KAT7: variants seen among roughly 807,000 people sequenced by gnomAD.
KAT7 encodes the protein lysine acetyltransferase 7, also known as histone acetyltransferase KAT7.
A neutral mutation model predicts 82.1 loss-of-function variants in KAT7; 10 were observed. That is an observed-to-expected ratio of 0.12 (90% CI 0.08 to 0.21). KAT7 has a LOEUF of 0.21. Among genes scored for constraint, KAT7 ranks in the 10% least tolerant of loss-of-function variants. KAT7 has a pLI of 1.00. For missense variants in KAT7, 378 were observed against 760.9 expected (o/e 0.50, Z 5.92); for synonymous variants, 250 against 262.5 (o/e 0.95, Z 0.46).
At chr17:49,818,077 G>A in intron 9 of KAT7, 66 bp downstream of exon 9, 5 of 1,383,862 alleles carry the variant, frequency 3.6e-6, no homozygotes, top group Non-Finnish European at 5.1e-6. Context: ...TCTAGATTTT[G>A]CCATAGCGAT....
Position 49,795,234 on chromosome 17 carries a change from A to G in KAT7, c.164-1516A>G, listed in dbSNP as rs113221815. Reference sequence around the variant, plus strand: ...TCATCATTACACAATGTATACGTCTATCAGAACATCACAGTATACTCTATA... The same window carrying G: ...TCATCATTACACAATGTATACGTCTGTCAGAACATCACAGTATACTCTATA... On this transcript the variant is annotated intron_variant, in intron 2 of 14. Coordinates refer to ENST00000259021, the MANE Select transcript of KAT7 (RefSeq NM_007067.5). The G allele has an allele frequency of 2.1e-3, 323 of 155,408 alleles. 2 individuals carry two copies. The highest frequency in any genetic ancestry group is 7.5e-3 in the African/African-American group (313 of 41,628). 9.6% of individuals were successfully genotyped at this position (155,408 alleles called of 1,614,324 possible).
intron 1 of KAT7, 154 bp downstream of exon 1, chr17:49,789,003 A>G (rs1403487255): frequency 1.6e-6 from 1 of 617,444 alleles, no homozygotes; most frequent in East Asian, 3.5e-5. Context: ...CCCAACAGAA[A>G]AATGTGGGCC....
chr17:49,798,567 G>A lies in KAT7; in HGVS notation c.580+9G>A. The A allele has an allele frequency of 1.3e-6, 2 of 1,587,252 alleles. No individual in the cohort carries two copies. The highest frequency in any genetic ancestry group is 1.7e-6 in the Non-Finnish European group (2 of 1,161,792). ...AGGCTGTAACTCTCTAGGTCAGTGT[G>A]CCCTAGCTTCATGACATCCTTTGTT... On this transcript the variant is annotated intron_variant, in intron 4 of 14. Transcript: ENST00000259021.
chr17:49,790,967 T>C (rs2073880373), intron 1 of KAT7, among the ~76,000 whole-genome samples: 1 of 152,230 alleles, frequency 6.6e-6, no homozygotes, highest in African/African-American at 2.4e-5. Flanking sequence ...AAAGAACTCC[T>C]CAGGAGGATA....
intron 7 of KAT7, among the ~76,000 whole-genome samples, chr17:49,814,574 A>G (rs1022471376): frequency 6.6e-6 from 1 of 152,226 alleles, no homozygotes; most frequent in Non-Finnish European, 1.5e-5. Context: ...CTAAAATCAT[A>G]CAGGCAGAAA....
chr17:49,789,034 G>A (rs1198661539), intron 1 of KAT7, 185 bp downstream of exon 1: 3 of 462,076 alleles, frequency 6.5e-6, no homozygotes, highest in African/African-American at 6.1e-5. Flanking sequence ...CTCGGCCTAT[G>A]CTTGCAACTA....
chr17:49,812,714 G>A (rs940094876), intron 7 of KAT7, among the ~76,000 whole-genome samples: 1 of 151,862 alleles, frequency 6.6e-6, no homozygotes, highest in African/African-American at 2.4e-5. Context: ...TTTTGAGACA[G>A]AGTCTTGCTC....
intron 12 of KAT7, among the ~76,000 whole-genome samples, chr17:49,824,044 G>A (rs1205600410): frequency 1.3e-5 from 2 of 152,160 alleles, no homozygotes; most frequent in African/African-American, 4.8e-5. Flanking sequence ...CTGGCAGTGA[G>A]TTCAATGTTA....
intron 5 of KAT7, among the ~76,000 whole-genome samples, chr17:49,807,926 G>T (rs989974493): frequency 6.6e-6 from 1 of 152,094 alleles, no homozygotes; most frequent in Non-Finnish European, 1.5e-5. Context: ...ATTTGGGGTA[G>T]AGCAGATTTG....
At position 49,826,907 on chromosome 17, in the gene KAT7, A is replaced by G; in HGVS notation, c.1734+108A>G. The G allele has an allele frequency of 1.1e-5, 7 of 663,520 alleles. No individual in the cohort carries two copies. In the South Asian group the frequency reaches 1.3e-4, roughly 12 times the overall value. The allele number at this position is 663,520 out of a possible 1,614,324, so 41.1% of individuals were successfully genotyped here. ...AACCTTCCCTTAAAGGAGTTGGGCT[A>G]CACGCCCCTTTTACTGGGTCTCATT... On this transcript the variant is annotated intron_variant, in intron 14 of 14. Transcript: ENST00000259021.
chr17:49,825,897 T>G, intron 12 of KAT7, 103 bp from the exon 13 acceptor site: 2 of 1,158,602 alleles, frequency 1.7e-6, no homozygotes, highest in South Asian at 1.5e-5. Flanking sequence ...CCTAATGGAG[T>G]GGACTGTGCT....
chr17:49,826,308 G>C (rs1486146469), intron 13 of KAT7, 162 bp downstream of exon 13: 1 of 638,788 alleles, frequency 1.6e-6, no homozygotes, highest in African/African-American at 1.8e-5. Flanking sequence ...TTGGCCCCTG[G>C]GAATGGTTAT....
intron 10 of KAT7, 21 bp from the exon 11 acceptor site, chr17:49,821,629 A>G (rs542531766): frequency 6.2e-7 from 1 of 1,612,234 alleles, no homozygotes; most frequent in African/African-American, 1.3e-5. Flanking sequence ...CCACACATGA[A>G]CTCTGTTTCT....
intron 5 of KAT7, among the ~76,000 whole-genome samples, chr17:49,808,128 T>C (rs939099528): frequency 6.8e-5 from 10 of 147,774 alleles, no homozygotes; most frequent in African/African-American, 2.3e-4. Flanking sequence ...TTCTTTTTTT[T>C]TTTTTTTTTT....
At chr17:49,808,112 C>T (rs1228493354) in intron 5 of KAT7, among the ~76,000 whole-genome samples, 1 of 149,664 alleles carries the variant, frequency 6.7e-6, no homozygotes, top group African/African-American at 2.5e-5. Flanking sequence ...GACTTGAACC[C>T]AGGTTTTCTT....
At position 49,827,216 on chromosome 17, in the gene KAT7, G is replaced by A; in HGVS notation, c.1735-185G>A. On this transcript the variant is annotated intron_variant, in intron 14 of 14. Coordinates refer to ENST00000259021, the MANE Select transcript of KAT7 (RefSeq NM_007067.5). ...CGATGATTTTCATTTCTCACTGAGGGTAAAGTAGGAAGAATGGATTAGATA... is the reference window on the plus strand; with the variant it reads ...CGATGATTTTCATTTCTCACTGAGGATAAAGTAGGAAGAATGGATTAGATA... 7.0e-6 allele frequency: 4 copies of A among 569,512 alleles called. No individual in the cohort carries two copies. The South Asian group carries it at 9.8e-5, about 14-fold the overall frequency. 35.3% of individuals were successfully genotyped at this position (569,512 alleles called of 1,614,324 possible).
rs1459172995 is a variant in KAT7, at chr17:49,834,641, GT to G, written c.*7140del. 3 of 152,102 alleles carry G rather than the reference GT, an allele frequency of 2.0e-5. No homozygotes were observed. Among genetic ancestry groups the G allele is most frequent in the Non-Finnish European group, 4.4e-5 (3 of 68,036 alleles). 9.4% of individuals were successfully genotyped at this position (152,102 alleles called of 1,614,324 possible). ...GGATTAGTCTATTATTCCCTTTCTT[GT>G]GTTTACTGAGAAAGCCTCCACTTCA... On this transcript the variant is annotated 3_prime_UTR_variant, in exon 15 of 15. Transcript: ENST00000259021.
intron 13 of KAT7, 170 bp from the exon 14 acceptor site, chr17:49,826,523 T>C (rs1306019133): frequency 5.1e-6 from 3 of 589,928 alleles, no homozygotes; most frequent in Non-Finnish European, 9.1e-6. Context: ...CTTTTGTGGT[T>C]ATTTGGACTG....
Position 49,828,594 on chromosome 17 carries a change from G to A in KAT7, c.*1092G>A, listed in dbSNP as rs1465697408. On this transcript the variant is annotated 3_prime_UTR_variant, in exon 15 of 15. Transcript: ENST00000259021. ...GCCTCACCCTCCCTCTAGGATTAAA[G>A]TGCTTCTGCCCTTCCACGAACTCCT... 3 of 152,634 alleles carry A rather than the reference G, an allele frequency of 2.0e-5. No individual in the cohort carries two copies. Among genetic ancestry groups the A allele is most frequent in the Non-Finnish European group, 4.4e-5 (3 of 68,044 alleles). 9.5% of individuals were successfully genotyped at this position (152,634 alleles called of 1,614,324 possible). A position where few individuals can be genotyped will look rare whatever the true frequency, so the allele number is the denominator to read the frequency against.
Sources: allele counts gnomAD v4.1 joint callset (sites outside exome capture counted in the v4.1 genomes callset), GRCh38; gene constraint gnomAD v4.1.1; transcripts MANE v1.5; gene names NCBI Gene and HGNC (gene_info 2026-07-23, HGNC 2026-07-21).